Variants in NELL2 observed in about 807,000 individuals in gnomAD.
NELL2 encodes the protein protein kinase C-binding protein NELL2.
NELL2 carries 41 observed loss-of-function variants against 109.6 expected under a neutral mutation model. That is an observed-to-expected ratio of 0.37 (90% CI 0.29 to 0.49). NELL2 has a LOEUF of 0.49. Among genes scored for constraint, NELL2 ranks in the 20% least tolerant of loss-of-function variants. NELL2 has a pLI of 0.98. For missense variants in NELL2, 900 were observed against 1,008.3 expected, an observed-to-expected ratio of 0.89 and a Z score of 1.45; for synonymous variants, 355 against 344.7, an observed-to-expected ratio of 1.03 and a Z score of -0.33.
intron 18 of NELL2, among the ~76,000 whole-genome samples, chr12:44,521,427 G>C (rs974901165): frequency 5.3e-5 from 8 of 151,120 alleles, no homozygotes; most frequent in Non-Finnish European, 1.2e-4. Flanking sequence ...CTACTTGGGA[G>C]GCTGAGGCAG....
intron 12 of NELL2, among the ~76,000 whole-genome samples, chr12:44,686,467 T>C (rs1439757606): frequency 2.6e-5 from 4 of 152,222 alleles, no homozygotes; most frequent in African/African-American, 9.6e-5. Flanking sequence ...AGGAACTGCG[T>C]TCCTTTGGAG....
chr12:44,904,525 A>G (rs888068296), intron 1 of NELL2, among the ~76,000 whole-genome samples: 1 of 152,114 alleles, frequency 6.6e-6, no homozygotes, highest in Non-Finnish European at 1.5e-5. Flanking sequence ...AACAAAACAC[A>G]ATGAAAGCCA....
chr12:44,863,055 T>C (rs966521552), intron 2 of NELL2, among the ~76,000 whole-genome samples: 1 of 152,150 alleles, frequency 6.6e-6, no homozygotes, highest in Non-Finnish European at 1.5e-5. Flanking sequence ...CAACCTGTCA[T>C]CTACATTAAG....
intron 1 of NELL2, among the ~76,000 whole-genome samples, chr12:44,909,704 T>A (rs1945757469): frequency 6.6e-6 from 1 of 151,124 alleles, no homozygotes; most frequent in South Asian, 2.1e-4. Context: ...AAGGCTACAG[T>A]ACTCAAAACA....
At chr12:44,841,593 T>C (rs893703592) in intron 2 of NELL2, among the ~76,000 whole-genome samples, 2 of 151,906 alleles carry the variant, frequency 1.3e-5, no homozygotes, top group African/African-American at 4.8e-5. Context: ...AGAAGAAAAA[T>C]GTGTAGACGA....
intron 15 of NELL2, among the ~76,000 whole-genome samples, chr12:44,604,076 A>T (rs1379066124): frequency 6.6e-6 from 1 of 152,180 alleles, no homozygotes; most frequent in Non-Finnish European, 1.5e-5. Context: ...TTCACTGTTA[A>T]AGACAACAGG....
chr12:44,627,998 A>T (rs1162175802), intron 13 of NELL2, among the ~76,000 whole-genome samples: 4 of 152,228 alleles, frequency 2.6e-5, no homozygotes, highest in Non-Finnish European at 4.4e-5. Context: ...GTTCTAACAT[A>T]GTTTGGCACC....
intron 19 of NELL2, 92 bp from the exon 20 acceptor site, chr12:44,509,076 CTG>C: frequency 9.4e-7 from 1 of 1,065,282 alleles, no homozygotes; most frequent in Non-Finnish European, 1.4e-6. Flanking sequence ...ACAAACAAAA[CTG>C]TATAATTTAT....
rs1480720326 is a variant in NELL2 at position 44,600,156 on chromosome 12, A to T, written c.1663+7013T>A. Among the ~76,000 whole-genome samples the T allele has an allele frequency of 3.4e-5, 5 of 146,804 alleles. No individual in the cohort carries two copies. The Admixed American group carries it at 3.4e-4, about 10-fold the overall frequency. ...TATTTATTTATTTATTTATTTATTT[A>T]TTTATTTATTTATTTATTTATTTAT... is the stretch of plus-strand genomic sequence containing the variant. On this transcript the variant is annotated intron_variant, in intron 15 of 19. Transcript: ENST00000429094.
Position 44,520,046 on chromosome 12 carries a change from A to C in NELL2, c.2359T>G (p.Trp787Gly). The C allele has an allele frequency of 6.2e-7, 1 of 1,614,194 alleles. No homozygotes were observed. Among genetic ancestry groups the C allele is most frequent in the South Asian group, 1.1e-5 (1 of 91,082 alleles). ...MNVVRFTGSS[W>G]IKHGTECTLC... is the part of the protein sequence containing the mutation. ...GTACACTCAGTGCCATGTTTGATCC[A>C]AGAGGACCCGGTGAAGCGAACCACA... Residue 787 changes from tryptophan to glycine, a missense_variant, in exon 19 of 20, where the codon TGG becomes GGG. This residue lies in a region of NELL2 where 333 missense variants were observed against 432.3 expected (regional missense o/e 0.77). Coordinates refer to ENST00000429094, the MANE Select transcript of NELL2 (RefSeq NM_001145108.2).
chr12:44,704,009 G>A (rs1937709907), intron 11 of NELL2, among the ~76,000 whole-genome samples, 155 bp from the exon 12 acceptor site: 2 of 152,082 alleles, frequency 1.3e-5, no homozygotes, highest in African/African-American at 2.4e-5. Flanking sequence ...CACATGCTAT[G>A]AGTACCAAAA....
intron 1 of NELL2, among the ~76,000 whole-genome samples, chr12:44,904,006 T>C (rs922782187): frequency 2.6e-5 from 4 of 152,106 alleles, no homozygotes; most frequent in African/African-American, 7.2e-5. Context: ...CTGCACGTTC[T>C]GCACATGTAT....
At chr12:44,644,145 T>C (rs1446225360) in intron 13 of NELL2, among the ~76,000 whole-genome samples, 1 of 152,182 alleles carries the variant, frequency 6.6e-6, no homozygotes, top group Non-Finnish European at 1.5e-5. Context: ...AACCTCATTC[T>C]ATTCCTCTGT....
At chr12:44,643,784 A>C (rs1946948452) in intron 13 of NELL2, among the ~76,000 whole-genome samples, 1 of 152,188 alleles carries the variant, frequency 6.6e-6, no homozygotes, top group African/African-American at 2.4e-5. Flanking sequence ...CTATGGATAA[A>C]TATTATCCAA....
intron 12 of NELL2, among the ~76,000 whole-genome samples, chr12:44,699,228 G>A (rs1284853205): frequency 6.6e-6 from 1 of 152,106 alleles, no homozygotes; most frequent in African/African-American, 2.4e-5. Context: ...TAGGAGGTGA[G>A]ATGGATGGAT....
rs1229336764 is a variant in NELL2, at chr12:44,906,073, A to G, written c.38+7726T>C. 2.0e-5 allele frequency among the ~76,000 whole-genome samples: 3 copies of G among 152,202 alleles called. No homozygotes were observed. The East Asian group carries it at 5.8e-4, about 29-fold the overall frequency. On this transcript the variant is annotated intron_variant, in intron 1 of 20. Transcript: ENST00000333837. ...GGTTAACTTTTAAAATAGGGTGTTT[A>G]GTAATGGTCTCACAAAGATTGGCAT... is the stretch of plus-strand genomic sequence containing the variant.
intron 13 of NELL2, among the ~76,000 whole-genome samples, chr12:44,665,096 T>TAA (rs3214809): frequency 0.17 from 25,187 of 152,024 alleles, 2,169 homozygotes; most frequent in East Asian, 0.23. Flanking sequence ...CCTAGAACTC[T>TAA]AAATCTATCT....
chr12:44,545,285 T>A (rs1333126393), intron 15 of NELL2, among the ~76,000 whole-genome samples: 1 of 152,062 alleles, frequency 6.6e-6, no homozygotes, highest in Non-Finnish European at 1.5e-5. Flanking sequence ...TTACAAGAGT[T>A]TTATTCATGT....
At chr12:44,731,948 G>A (rs1939392655) in intron 9 of NELL2, among the ~76,000 whole-genome samples, 1 of 151,458 alleles carries the variant, frequency 6.6e-6, no homozygotes, top group African/African-American at 2.4e-5. Context: ...AATAGGAAAA[G>A]GAAATAAAGT....
Sources: allele counts gnomAD v4.1 joint callset (sites outside exome capture counted in the v4.1 genomes callset), GRCh38; gene constraint gnomAD v4.1.1; regional missense constraint gnomAD v4.1.1; transcripts MANE v1.5; gene names NCBI Gene and HGNC (gene_info 2026-07-23, HGNC 2026-07-21).